The following MICAL3 variants were observed in gnomAD, a reference collection of about 807,000 sequenced individuals.
MICAL3 encodes the protein microtubule associated monooxygenase, calponin and LIM domain containing 3, also known as [F-actin]-monooxygenase MICAL3.
A neutral mutation model predicts 207.4 loss-of-function variants in MICAL3; 62 were observed. The ratio of observed to expected loss-of-function variants is 0.30; its 90% CI spans 0.24 to 0.37. The LOEUF (loss-of-function observed/expected upper bound fraction) is 0.37. Among genes scored for constraint, MICAL3 ranks in the 10% least tolerant of loss-of-function variants. The pLI, the probability that MICAL3 is intolerant of heterozygous loss-of-function variation, is 1.00. For missense variants in MICAL3, 2,368 were observed against 2,635.6 expected (o/e 0.90, Z 2.22); for synonymous variants, 1,077 against 1,069.3 (o/e 1.01, Z -0.14).
intron 1 of MICAL3, among the ~76,000 whole-genome samples, chr22:18,018,559 T>TA (rs1924221868): frequency 1.3e-5 from 2 of 151,410 alleles, no homozygotes; most frequent in Non-Finnish European, 2.9e-5. Flanking sequence ...CCATGTCTAC[T>TA]AAAAATACAA....
chr22:17,901,836 T>C, intron 5 of MICAL3, 42 bp downstream of exon 5: 4 of 1,476,228 alleles, frequency 2.7e-6, no homozygotes, highest in Non-Finnish European at 3.8e-6. Flanking sequence ...AGCATCAGCT[T>C]TCCCTCTGCT....
At chr22:17,922,498 AC>A (rs1438319172) in intron 1 of MICAL3, among the ~76,000 whole-genome samples, 1 of 152,124 alleles carries the variant, frequency 6.6e-6, no homozygotes, top group Non-Finnish European at 1.5e-5. Flanking sequence ...AATTATGAAA[AC>A]AACAGGACTG....
chr22:17,977,867 A>G (rs1172876516), intron 1 of MICAL3, among the ~76,000 whole-genome samples: 1 of 151,966 alleles, frequency 6.6e-6, no homozygotes, highest in Non-Finnish European at 1.5e-5. Context: ...CTATAAAAAT[A>G]CAAAATTAGC....
intron 22 of MICAL3, 143 bp from the exon 23 acceptor site, chr22:17,823,203 G>T: frequency 1.6e-6 from 1 of 636,246 alleles, no homozygotes; most frequent in Non-Finnish European, 2.7e-6. Context: ...AGGCCCAGGG[G>T]GCTCTCCACA....
At chr22:17,904,916 C>A in intron 2 of MICAL3, 77 bp from the exon 3 acceptor site, 3 of 1,100,864 alleles carry the variant, frequency 2.7e-6, no homozygotes, top group Non-Finnish European at 4.1e-6. Flanking sequence ...ATTGTAAGAT[C>A]ATCACTCCCT....
At position 17,849,843 on chromosome 22, in the gene MICAL3, C is replaced by T. The variant is rs112549366; in HGVS notation, c.2606-7826G>A. 5.8e-3 allele frequency among the ~76,000 whole-genome samples: 880 copies of T among 151,432 alleles called. 12 individuals are homozygous for T. The highest frequency in any genetic ancestry group is 0.02 in the African/African-American group (840 of 41,222). ...CCAAGTAGCTGGGATTACAGGTGTG[C>T]GCCATCAGGCTGGATAATTTTTATA... On this transcript the variant is annotated intron_variant, in intron 19 of 31. Transcript: ENST00000441493.
At chr22:18,000,392 T>C (rs1212763418) in intron 1 of MICAL3, among the ~76,000 whole-genome samples, 4 of 152,248 alleles carry the variant, frequency 2.6e-5, no homozygotes, top group Non-Finnish European at 5.9e-5. Context: ...ACATACTTTC[T>C]CTGCATTCAG....
intron 16 of MICAL3, among the ~76,000 whole-genome samples, chr22:17,874,753 C>G (rs1237799836): frequency 6.6e-6 from 1 of 152,118 alleles, no homozygotes; most frequent in South Asian, 2.1e-4. Flanking sequence ...TAGGCCTCAA[C>G]CCAGGCATGG....
intron 1 of MICAL3, among the ~76,000 whole-genome samples, chr22:17,982,323 T>C (rs144205168): frequency 6.6e-6 from 1 of 152,316 alleles, no homozygotes; most frequent in East Asian, 1.9e-4. Context: ...GTGCAACACG[T>C]TATCTTTTCA....
At chr22:17,915,045 G>C (rs1378465170) in intron 1 of MICAL3, among the ~76,000 whole-genome samples, 3 of 152,124 alleles carry the variant, frequency 2.0e-5, no homozygotes, top group African/African-American at 7.2e-5. Flanking sequence ...GTGATGAAAG[G>C]CCTCTGGGTG....
chr22:17,869,980 G>A (rs1445170779), intron 17 of MICAL3, among the ~76,000 whole-genome samples: 1 of 152,106 alleles, frequency 6.6e-6, no homozygotes, highest in African/African-American at 2.4e-5. Flanking sequence ...TGAGACACTT[G>A]GCAACTTGGA....
At chr22:17,960,265 G>C (rs923527401) in intron 1 of MICAL3, among the ~76,000 whole-genome samples, 1 of 152,030 alleles carries the variant, frequency 6.6e-6, no homozygotes, top group Non-Finnish European at 1.5e-5. Context: ...GCTCACTGGG[G>C]GTCAGCGATT....
chr22:17,962,380 C>T (rs1483622767), intron 1 of MICAL3, among the ~76,000 whole-genome samples: 2 of 152,226 alleles, frequency 1.3e-5, no homozygotes, highest in East Asian at 3.9e-4. Context: ...CACTCGCAGG[C>T]TGGGCAGAGG....
chr22:17,954,151 G>T (rs1444036057), intron 1 of MICAL3, among the ~76,000 whole-genome samples: 1 of 152,078 alleles, frequency 6.6e-6, no homozygotes, highest in Non-Finnish European at 1.5e-5. Flanking sequence ...AACTTTTATT[G>T]TCTGGCTTAC....
chr22:18,011,437 C>T (rs973287069), intron 1 of MICAL3, among the ~76,000 whole-genome samples: 45 of 151,960 alleles, frequency 3.0e-4, no homozygotes, highest in Admixed American at 2.1e-3. Context: ...CCCAGCTACT[C>T]GGGAGGCTGA....
At chr22:17,887,478 G>A in intron 13 of MICAL3, 43 bp from the exon 14 acceptor site, 1 of 1,431,322 alleles carries the variant, frequency 7.0e-7, no homozygotes, top group South Asian at 1.2e-5. Flanking sequence ...GCCCTTGAGG[G>A]CGCCGCAAAA....
At chr22:18,011,050 C>T (rs891118327) in intron 1 of MICAL3, among the ~76,000 whole-genome samples, 3 of 152,190 alleles carry the variant, frequency 2.0e-5, no homozygotes, top group Non-Finnish European at 4.4e-5. Flanking sequence ...GCAGCCTCAG[C>T]GATCACAGGC....
chr22:17,827,891 G>C, intron 21 of MICAL3, 110 bp from the exon 22 acceptor site: 1 of 1,150,478 alleles, frequency 8.7e-7, no homozygotes, highest in East Asian at 2.6e-5. Flanking sequence ...GGGTCAGTAT[G>C]AATCAGAAAG....
intron 1 of MICAL3, among the ~76,000 whole-genome samples, chr22:17,984,087 T>C (rs403508): frequency 4.6e-5 from 7 of 152,078 alleles, no homozygotes; most frequent in African/African-American, 1.7e-4. Context: ...CCTCACCTTA[T>C]CGTCAAAGTT....
Sources: allele counts gnomAD v4.1 joint callset (sites outside exome capture counted in the v4.1 genomes callset), GRCh38; gene constraint gnomAD v4.1.1; transcripts MANE v1.5; gene names NCBI Gene and HGNC (gene_info 2026-07-23, HGNC 2026-07-21).